AGAP1: variants seen among roughly 807,000 people sequenced by gnomAD.
AGAP1 encodes ArfGAP with GTPase domain, ankyrin repeat and PH domain 1.
Under a neutral mutation model 105.3 loss-of-function variants are expected in AGAP1, and 29 were observed. The observed-to-expected ratio is 0.28, with a 90% confidence interval of 0.21 to 0.38. AGAP1 has a LOEUF of 0.38. Ranked by LOEUF, AGAP1 falls within the 10% of genes least tolerant of loss-of-function variation. The pLI is 1.00. For missense variants in AGAP1, 998 were observed against 1,165.1 expected (o/e 0.86, Z 2.09); for synonymous variants, 509 against 485.9 (o/e 1.05, Z -0.63).
At chr2:235,589,087 C>G (rs1253199854) in intron 1 of AGAP1, among the ~76,000 whole-genome samples, 1 of 151,554 alleles carries the variant, frequency 6.6e-6, no homozygotes, top group Non-Finnish European at 1.5e-5. Context: ...AATGCCCTTT[C>G]TGGTCCCTCT....
rs1265007077 is a variant in AGAP1, at chr2:235,967,440, A to G, written c.1484-1022A>G. Among the ~76,000 whole-genome samples the G allele has an allele frequency of 6.6e-6, 1 of 152,082 alleles. No homozygotes were observed. Among genetic ancestry groups the G allele is most frequent in the East Asian group, 1.9e-4 (1 of 5,194 alleles). ...GACTCCAGGTTCTGGCCCGGCTGCCATGTCACTGCCACTCCACTTTACAGA... is the reference window on the plus strand; with the variant it reads ...GACTCCAGGTTCTGGCCCGGCTGCCGTGTCACTGCCACTCCACTTTACAGA... On this transcript the variant is annotated intron_variant, in intron 12 of 17. Transcript: ENST00000304032. The surrounding 1 kb of genome is among the most constrained non-coding windows in gnomAD (Gnocchi z 4.7).
chr2:235,947,850 A>T (rs542960060), intron 12 of AGAP1, among the ~76,000 whole-genome samples: 1 of 152,246 alleles, frequency 6.6e-6, no homozygotes, highest in Admixed American at 6.5e-5. Flanking sequence ...TGTTAAGTCT[A>T]CGCTGAAGTT....
rs1316795803 is a variant in AGAP1, at chr2:235,686,645, AGATATATATATATATATATAT to A, written c.164-22533_164-22513del. Among the ~76,000 whole-genome samples, 21 of 24,246 alleles carry A rather than the reference AGATATATATATATATATATAT, an allele frequency of 8.7e-4. 1 individual carries two copies. Among genetic ancestry groups the A allele is most frequent in the African/African-American group, 5.7e-3 (21 of 3,694 alleles). The allele number at this position is 24,246 out of a possible 152,430, so 15.9% of individuals were successfully genotyped here. A position where few individuals can be genotyped will look rare whatever the true frequency, so the allele number is the denominator to read the frequency against. On this transcript the variant is annotated intron_variant, in intron 1 of 17. Coordinates refer to ENST00000304032, the MANE Select transcript of AGAP1 (RefSeq NM_001037131.3). ...GATATATATATATATATATATATATAGATATATATATATATATATATTTTTTTTTTTTTTTAGACAGAGTCT... is the reference window on the plus strand; with the variant it reads ...GATATATATATATATATATATATATATTTTTTTTTTTTTTAGACAGAGTCT...
intron 1 of AGAP1, among the ~76,000 whole-genome samples, chr2:235,680,786 C>T (rs1367009019): frequency 1.3e-5 from 2 of 152,064 alleles, no homozygotes; most frequent in East Asian, 1.9e-4. Flanking sequence ...AATTGCCTGG[C>T]CTGGTGGGAA....
At chr2:236,077,183 T>G (rs2058664005) in intron 16 of AGAP1, among the ~76,000 whole-genome samples, 1 of 146,728 alleles carries the variant, frequency 6.8e-6, no homozygotes, top group Non-Finnish European at 1.5e-5. Context: ...CCCCGAGAGA[T>G]AATCAGTTAA....
rs2054257407 is a variant in AGAP1 at position 235,963,105 on chromosome 2, C to T, written c.1484-5357C>T. ...AGAGGAAGGTGGGTGGTGGTATTTC[C>T]AAGTGCTGTCTCCTTCCCAAGACTG... On this transcript the variant is annotated intron_variant, in intron 12 of 17. Coordinates refer to ENST00000304032, the MANE Select transcript of AGAP1 (RefSeq NM_001037131.3). This position sits in a 1 kb window ranked among gnomAD's most constrained non-coding sequence, Gnocchi z 5.1. Among the ~76,000 whole-genome samples, 1 of 152,130 alleles carries T rather than the reference C, an allele frequency of 6.6e-6. No individual in the cohort carries two copies. Among genetic ancestry groups the T allele is most frequent in the South Asian group, 2.1e-4 (1 of 4,820 alleles).
In AGAP1 at chr2:235,621,933, T is replaced by C. The variant is rs1451792761; in HGVS notation, c.164-87246T>C. ...CACCCCCTCAGAACAGCGGCCACTG[T>C]GTGGATGTTTCTGACGGCCTCTTAC... is the stretch of plus-strand genomic sequence containing the variant. On this transcript the variant is annotated intron_variant, in intron 1 of 17. Transcript: ENST00000304032. The surrounding 1 kb of genome is among the most constrained non-coding windows in gnomAD (Gnocchi z 4.1). Among the ~76,000 whole-genome samples the C allele has an allele frequency of 2.0e-5, 3 of 151,400 alleles. No homozygotes were observed. The East Asian group carries it at 5.9e-4, about 30-fold the overall frequency.
Position 235,973,779 on chromosome 2 carries a change from A to G in AGAP1, c.1645+5156A>G, listed in dbSNP as rs1260106492. ...GGCCACCTGAGAGGGAGTGACCCCG[A>G]CCCTGCATGGGGTCGGCATGGGTTG... On this transcript the variant is annotated intron_variant, in intron 13 of 17. Transcript: ENST00000304032. The surrounding 1 kb of genome is among the most constrained non-coding windows in gnomAD (Gnocchi z 4.7). Among the ~76,000 whole-genome samples, 1 of 152,032 alleles carries G rather than the reference A, an allele frequency of 6.6e-6. No homozygotes were observed. Among genetic ancestry groups the G allele is most frequent in the African/African-American group, 2.4e-5 (1 of 41,394 alleles).
intron 6 of AGAP1, among the ~76,000 whole-genome samples, chr2:235,770,096 CAT>C (rs1195452881): frequency 6.7e-6 from 1 of 150,276 alleles, no homozygotes; most frequent in Non-Finnish European, 1.5e-5. Flanking sequence ...AGTAATAACA[CAT>C]ATATATACAC....
intron 9 of AGAP1, among the ~76,000 whole-genome samples, chr2:235,856,585 G>C (rs967191417): frequency 6.6e-6 from 1 of 152,234 alleles, no homozygotes; most frequent in African/African-American, 2.4e-5. Flanking sequence ...GAGCAGCTCT[G>C]TGTGGACCAT....
intron 1 of AGAP1, among the ~76,000 whole-genome samples, chr2:235,501,818 T>C (rs529008197): frequency 2.3e-4 from 35 of 152,270 alleles, no homozygotes; most frequent in African/African-American, 8.4e-4. Flanking sequence ...CGTCCTTAGC[T>C]TAAGTGATTG....
At chr2:235,579,592 A>G (rs1053119112) in intron 1 of AGAP1, among the ~76,000 whole-genome samples, 3 of 152,002 alleles carry the variant, frequency 2.0e-5, no homozygotes, top group Non-Finnish European at 2.9e-5. Context: ...TGGCTAACAC[A>G]GTGAAACCCC....
chr2:236,049,246 C>T lies in AGAP1; in HGVS notation c.2079C>T (p.Ser693=). ...CCAACAGCGTCTGGGAAGAGAGCAGCCAGGGGCGGACGAAACCATCGGTAG... is the reference window on the plus strand; with the variant it reads ...CCAACAGCGTCTGGGAAGAGAGCAGTCAGGGGCGGACGAAACCATCGGTAG... ...ELANSVWEES[S]QGRTKPSVDS... The change falls in exon 16 of 18, where the codon AGC becomes AGT. Residue 693 remains serine (S), a synonymous_variant. Transcript: ENST00000304032. 4 of 1,614,192 alleles carry T rather than the reference C, an allele frequency of 2.5e-6. No homozygotes were observed. The highest frequency in any genetic ancestry group is 3.4e-6 in the Non-Finnish European group (4 of 1,180,030).
intron 1 of AGAP1, chr2:235,670,390 C>T (rs1175459756): frequency 1.8e-6 from 1 of 565,026 alleles, no homozygotes; most frequent in African/African-American, 2.0e-5. Flanking sequence ...CCTTCCGCAC[C>T]CGCAGCACCG....
At chr2:235,508,316 C>A (rs747268) in intron 1 of AGAP1, among the ~76,000 whole-genome samples, 31 of 152,176 alleles carry the variant, frequency 2.0e-4, no homozygotes, top group African/African-American at 7.0e-4. Flanking sequence ...CCAAGTAATG[C>A]CACCTACAGT....
chr2:235,968,365 G>A, intron 12 of AGAP1, 97 bp from the exon 13 acceptor site: 1 of 1,433,626 alleles, frequency 7.0e-7, no homozygotes, highest in Non-Finnish European at 9.3e-7. Context: ...TGTGTGGTAT[G>A]AGAGGAGCGT....
intron 1 of AGAP1, among the ~76,000 whole-genome samples, chr2:235,643,185 C>CA (rs1425917431): frequency 6.6e-6 from 1 of 151,966 alleles, no homozygotes; most frequent in Admixed American, 6.6e-5. Flanking sequence ...GTAATACCAG[C>CA]ACTTTGGGAG....
In AGAP1 at chr2:236,101,521, G is replaced by A. The variant is rs763016207; in HGVS notation, c.2115-18671G>A. Among the ~76,000 whole-genome samples the A allele has an allele frequency of 5.9e-5, 9 of 152,146 alleles. No homozygotes were observed. Among genetic ancestry groups the A allele is most frequent in the Non-Finnish European group, 1.0e-4 (7 of 68,034 alleles). ...TCTGCAGTCACTCCGGCCTGTCCCC[G>A]CCTCTTCCGTGTGAGAAGAGCCTTG... is the stretch of plus-strand genomic sequence containing the variant. On this transcript the variant is annotated intron_variant, in intron 16 of 17. Transcript: ENST00000304032. The surrounding 1 kb of genome is among the most constrained non-coding windows in gnomAD (Gnocchi z 4.9).
chr2:235,717,340 C>T (rs1421782646), intron 2 of AGAP1, among the ~76,000 whole-genome samples: 1 of 152,234 alleles, frequency 6.6e-6, no homozygotes, highest in African/African-American at 2.4e-5. Flanking sequence ...GATGCCGTTG[C>T]AGCTGTTGAG....
Sources: allele counts gnomAD v4.1 joint callset (sites outside exome capture counted in the v4.1 genomes callset), GRCh38; gene constraint gnomAD v4.1.1; non-coding constraint Gnocchi (gnomAD v3.1); transcripts MANE v1.5; gene names NCBI Gene and HGNC (gene_info 2026-07-23, HGNC 2026-07-21).